Variants in WWOX observed in about 807,000 individuals in gnomAD.
WWOX encodes WW domain-containing oxidoreductase.
WWOX carries 69 observed loss-of-function variants against 46.2 expected under a neutral mutation model. The ratio of observed to expected loss-of-function variants is 1.49; its 90% CI spans 1.23 to 1.82. WWOX has a LOEUF of 1.82. Among genes scored for constraint, WWOX ranks in the 40% most tolerant of loss-of-function variants. WWOX has a pLI of 0.00. For synonymous variants in WWOX, 359 were observed against 202.6 expected (o/e 1.77, Z -6.56); for missense variants, 919 against 542.6 (o/e 1.69, Z -6.89).
intron 8 of WWOX, among the ~76,000 whole-genome samples, chr16:78,714,436 C>A (rs540979504): frequency 6.6e-6 from 1 of 151,886 alleles, no homozygotes. Context: ...GAAAGACCTG[C>A]CCCCATGATT....
intron 8 of WWOX, among the ~76,000 whole-genome samples, chr16:78,710,717 T>G (rs2048427309): frequency 6.6e-6 from 1 of 151,330 alleles, no homozygotes; most frequent in South Asian, 2.1e-4. Flanking sequence ...TGGGCTCAAC[T>G]GATTCTCTCA....
chr16:78,437,256 G>A (rs1056697844), intron 8 of WWOX, among the ~76,000 whole-genome samples: 1 of 152,186 alleles, frequency 6.6e-6, no homozygotes, highest in Non-Finnish European at 1.5e-5. Context: ...TGTGACTACG[G>A]TGATTTTAGT....
At chr16:78,963,557 C>T (rs2046311653) in intron 8 of WWOX, among the ~76,000 whole-genome samples, 1 of 152,122 alleles carries the variant, frequency 6.6e-6, no homozygotes, top group African/African-American at 2.4e-5. Context: ...GTGTGTCATC[C>T]TTGAATTACT....
At chr16:78,669,845 G>GT (rs944622969) in intron 8 of WWOX, among the ~76,000 whole-genome samples, 11 of 152,138 alleles carry the variant, frequency 7.2e-5, no homozygotes, top group Admixed American at 3.3e-4. Flanking sequence ...CTAATAAGAT[G>GT]TTTAGGGAGA....
rs773772350 is a variant in WWOX at position 78,099,754 on chromosome 16, G to A, written c.-25G>A. ...GTGGACCCGGCAGCGGGCGATAGGG[G>A]GGCCAGGTGCCTCCACAGTCAGCCA... On this transcript the variant is annotated 5_prime_UTR_variant, in exon 1 of 9. Transcript: ENST00000566780. 17 of 1,524,846 alleles carry A rather than the reference G, an allele frequency of 1.1e-5. No homozygotes were observed. The highest frequency in any genetic ancestry group is 7.0e-5 in the African/African-American group (5 of 71,202). 94.5% of individuals were successfully genotyped at this position (1,524,846 alleles called of 1,614,324 possible).
intron 8 of WWOX, among the ~76,000 whole-genome samples, chr16:78,602,885 A>T (rs2045655811): frequency 6.6e-6 from 1 of 152,090 alleles, no homozygotes; most frequent in African/African-American, 2.4e-5. Flanking sequence ...CAATCCTGAG[A>T]CTTGAATCTC....
At chr16:78,106,708 G>A (rs1178087751) in intron 1 of WWOX, among the ~76,000 whole-genome samples, 1 of 152,128 alleles carries the variant, frequency 6.6e-6, no homozygotes, top group Non-Finnish European at 1.5e-5. Flanking sequence ...GAGCCACCGC[G>A]CCCGGCCACA....
chr16:79,139,104 C>T (rs2050038782), intron 8 of WWOX, among the ~76,000 whole-genome samples: 1 of 152,214 alleles, frequency 6.6e-6, no homozygotes, highest in Admixed American at 6.5e-5. Flanking sequence ...GCTTCCCCGG[C>T]CCCATTCCCT....
intron 8 of WWOX, among the ~76,000 whole-genome samples, chr16:78,598,668 C>T (rs905483492): frequency 2.0e-5 from 3 of 152,120 alleles, no homozygotes; most frequent in Non-Finnish European, 2.9e-5. Flanking sequence ...AAAATCACAG[C>T]ACTGGTTGAA....
At chr16:78,249,140 A>G (rs2037911278) in intron 5 of WWOX, among the ~76,000 whole-genome samples, 1 of 152,128 alleles carries the variant, frequency 6.6e-6, no homozygotes, top group African/African-American at 2.4e-5. Context: ...GGCGTGAGCC[A>G]CCGTGTCTGG....
At chr16:78,766,389 C>A (rs1336086996) in intron 8 of WWOX, among the ~76,000 whole-genome samples, 4 of 152,142 alleles carry the variant, frequency 2.6e-5, no homozygotes, top group Non-Finnish European at 2.9e-5. Context: ...GAGGCTATGG[C>A]TTCAAAACCA....
intron 5 of WWOX, among the ~76,000 whole-genome samples, chr16:78,322,169 A>G (rs1030281769): frequency 6.6e-6 from 1 of 152,168 alleles, no homozygotes; most frequent in African/African-American, 2.4e-5. Context: ...GGTGGGGGGA[A>G]GACAAGGACA....
At chr16:78,429,264 C>G (rs28692991) in intron 7 of WWOX, among the ~76,000 whole-genome samples, 8,903 of 152,222 alleles carry the variant, frequency 0.058, 335 homozygotes, top group South Asian at 0.15. Flanking sequence ...AGCCTTTTCA[C>G]CAATCTTGGA....
At position 78,827,809 on chromosome 16, in the gene WWOX, C is replaced by G. The variant is rs113277658; in HGVS notation, c.1057-383799C>G. On this transcript the variant is annotated intron_variant, in intron 8 of 8. Coordinates refer to ENST00000566780, the MANE Select transcript of WWOX (RefSeq NM_016373.4). ...TGAGCCGAGATGGCGCCACTGCACT[C>G]TAGCCTGGGCGGCAAGCAAGACACC... 5.5e-3 allele frequency among the ~76,000 whole-genome samples: 840 copies of G among 152,282 alleles called. 7 individuals are homozygous for G. Among genetic ancestry groups the G allele is most frequent in the African/African-American group, 0.019 (787 of 41,554 alleles).
chr16:78,130,568 C>T (rs1362016840), intron 4 of WWOX, among the ~76,000 whole-genome samples: 1 of 152,182 alleles, frequency 6.6e-6, no homozygotes, highest in Non-Finnish European at 1.5e-5. Flanking sequence ...AGAGCTGTTC[C>T]TATAGGCTGA....
At position 78,114,996 on chromosome 16, in the gene WWOX, C is replaced by A. The variant is rs757145186; in HGVS notation, c.251C>A (p.Thr84Asn). Residue 84 changes from threonine (T) to asparagine (N), a missense_variant, in exon 4 of 9, where the codon ACC (threonine) becomes AAC (asparagine). Thr to Asn is a moderately conservative substitution (Grantham distance 65). Coordinates refer to ENST00000566780, the MANE Select transcript of WWOX (RefSeq NM_016373.4). Reference sequence around the variant, plus strand: ...GGCAGCCATATAAATAAAAGAACCACCTACTTGGACCCAAGACTGGCGTTT... The same window carrying A: ...GGCAGCCATATAAATAAAAGAACCAACTACTTGGACCCAAGACTGGCGTTT... ...FFVDHINKRT[T>N]YLDPRLAFTV... is the part of the protein sequence containing the mutation. The A allele has an allele frequency of 1.9e-6, 3 of 1,614,198 alleles. No individual in the cohort carries two copies. Among genetic ancestry groups the A allele is most frequent in the South Asian group, 1.1e-5 (1 of 91,084 alleles).
intron 4 of WWOX, among the ~76,000 whole-genome samples, chr16:78,163,962 T>C (rs2034882402): frequency 6.6e-6 from 1 of 152,294 alleles, no homozygotes; most frequent in Admixed American, 6.5e-5. Flanking sequence ...TAAGATGTTT[T>C]GTAATGCCTG....
At chr16:78,496,986 G>A (rs1171816690) in intron 8 of WWOX, among the ~76,000 whole-genome samples, 3 of 152,194 alleles carry the variant, frequency 2.0e-5, no homozygotes, top group African/African-American at 2.4e-5. Context: ...GTTAACTATG[G>A]CAAAGATGTT....
At chr16:78,373,572 G>A (rs1048260813) in intron 5 of WWOX, among the ~76,000 whole-genome samples, 2 of 152,176 alleles carry the variant, frequency 1.3e-5, no homozygotes, top group East Asian at 1.9e-4. Flanking sequence ...GGAAAGAGGA[G>A]AAGTATTCTG....
Sources: gnomAD v4.1 joint callset for allele counts (sites outside exome capture counted in the v4.1 genomes callset) on GRCh38, gnomAD v4.1.1 for gene constraint, MANE v1.5 for transcripts, NCBI Gene and HGNC (gene_info 2026-07-23, HGNC 2026-07-21) for gene names.